The following TTC7A variants were observed in gnomAD, a reference collection of about 807,000 sequenced individuals.
TTC7A encodes the protein tetratricopeptide repeat protein 7A.
Under a neutral mutation model 103.7 loss-of-function variants are expected in TTC7A, and 110 were observed. That is an observed-to-expected ratio of 1.06 (90% CI 0.91 to 1.24). The LOEUF (loss-of-function observed/expected upper bound fraction) is 1.24. TTC7A is among the 50% of genes most tolerant of loss of function. TTC7A has a pLI of 0.00. For missense variants in TTC7A, 1,340 were observed against 1,116.3 expected (o/e 1.20, Z -2.86); for synonymous variants, 521 against 467.9 (o/e 1.11, Z -1.47).
rs1302364680 is a variant in TTC7A at position 47,073,764 on chromosome 2, G to T, written c.2418G>T (p.Val806=). Residue 806 remains valine (V), a synonymous_variant, in exon 20 of 20, where the codon GTG becomes GTT. Coordinates refer to ENST00000319190, the MANE Select transcript of TTC7A (RefSeq NM_020458.4). ...SLAQKVLRDA[V]ERQSTCHEAW... ...CCCAGAAGGTGCTTCGTGATGCCGTGGAGAGGCAGAGTACGTGCCACGAGG... is the reference window on the plus strand; with the variant it reads ...CCCAGAAGGTGCTTCGTGATGCCGTTGAGAGGCAGAGTACGTGCCACGAGG... 6.2e-7 allele frequency: 1 copy of T among 1,613,878 alleles called. No individual in the cohort carries two copies. Among genetic ancestry groups the T allele is most frequent in the Admixed American group, 1.7e-5 (1 of 60,036 alleles).
chr2:47,038,695 G>A lies in TTC7A; in HGVS notation c.1803-7620G>A, dbSNP rs370367392. Among the ~76,000 whole-genome samples, 26 of 117,986 alleles carry A rather than the reference G, an allele frequency of 2.2e-4. No individual in the cohort carries two copies. The East Asian group carries it at 4.4e-3, about 20-fold the overall frequency. 77.4% of individuals were successfully genotyped at this position (117,986 alleles called of 152,430 possible). A position where few individuals can be genotyped will look rare whatever the true frequency, so the allele number is the denominator to read the frequency against. Reference sequence around the variant, plus strand: ...GGGTTCCCAGAATGGCCAGGAGCCAGAGGGATCCGGAATTGCTGCCCAGGG... The same window carrying A: ...GGGTTCCCAGAATGGCCAGGAGCCAAAGGGATCCGGAATTGCTGCCCAGGG... On this transcript the variant is annotated intron_variant, in intron 15 of 19. Transcript: ENST00000319190.
chr2:47,009,300 C>T (rs1165843725), intron 10 of TTC7A, among the ~76,000 whole-genome samples: 2 of 152,136 alleles, frequency 1.3e-5, no homozygotes, highest in African/African-American at 4.8e-5. Flanking sequence ...CTCCTACCCT[C>T]TTGTTTCCAG....
chr2:47,009,918 CAG>C (rs149772427), intron 10 of TTC7A, among the ~76,000 whole-genome samples: 2,150 of 69,474 alleles, frequency 0.031, 69 homozygotes, highest in Non-Finnish European at 0.037. Context: ...GTGGGGGGGA[CAG>C]GGGAGGGGGC....
intron 11 of TTC7A, among the ~76,000 whole-genome samples, chr2:47,016,162 C>T (rs1678636562): frequency 5.3e-5 from 8 of 152,120 alleles, no homozygotes. Flanking sequence ...AAATTCGAAA[C>T]ACTGGAGAGA....
At chr2:46,956,290 G>C (rs563594450) in intron 2 of TTC7A, among the ~76,000 whole-genome samples, 2 of 151,750 alleles carry the variant, frequency 1.3e-5, no homozygotes, top group Non-Finnish European at 2.9e-5. Flanking sequence ...GACGCAGCAG[G>C]CCCTCTCCTC....
chr2:46,940,384 A>T (rs1426212664), upstream of TTC7A, among the ~76,000 whole-genome samples: 1 of 152,072 alleles, frequency 6.6e-6, no homozygotes. This position sits in a 1 kb window ranked among gnomAD's most constrained non-coding sequence, Gnocchi z 4.7. Context: ...CTGGTCTGTG[A>T]GCTGCGGCGG....
At chr2:46,980,675 A>G (rs973675768) in intron 5 of TTC7A, among the ~76,000 whole-genome samples, 1 of 152,198 alleles carries the variant, frequency 6.6e-6, no homozygotes, top group Admixed American at 6.5e-5. Flanking sequence ...GGCAGGGGAA[A>G]TGGAAGGAGT....
intron 14 of TTC7A, among the ~76,000 whole-genome samples, chr2:47,026,689 G>T (rs1679955996): frequency 6.6e-6 from 1 of 152,204 alleles, no homozygotes; most frequent in South Asian, 2.1e-4. Flanking sequence ...TAGTTTTCTG[G>T]CTTTGGGGCT....
chr2:46,987,805 C>CGTGTGTGTGT (rs1491245858), intron 5 of TTC7A, among the ~76,000 whole-genome samples: 1 of 102,938 alleles, frequency 9.7e-6, no homozygotes, highest in African/African-American at 3.7e-5. Context: ...TGTCCCTTTC[C>CGTGTGTGTGT]GCGCGTGTGT....
chr2:47,059,838 T>C (rs1219653688), intron 18 of TTC7A, among the ~76,000 whole-genome samples: 1 of 152,096 alleles, frequency 6.6e-6, no homozygotes, highest in Admixed American at 6.6e-5. Context: ...CTGTGCCCAG[T>C]TTTTGCCCCT....
rs527642449 is a variant in TTC7A at position 46,958,255 on chromosome 2, A to G, written c.517+1248A>G. Among the ~76,000 whole-genome samples, 6 of 152,272 alleles carry G rather than the reference A, an allele frequency of 3.9e-5. No individual in the cohort carries two copies. In the East Asian group the frequency reaches 1.2e-3, roughly 30 times the overall value. On this transcript the variant is annotated intron_variant, in intron 3 of 19. Transcript: ENST00000319190. Reference sequence around the variant, plus strand: ...ACACCATGCCAGGAAACCTGGCAAGATGGTCACTGTGGGTGGTCTTCGTCC... The same window carrying G: ...ACACCATGCCAGGAAACCTGGCAAGGTGGTCACTGTGGGTGGTCTTCGTCC...
intron 2 of TTC7A, among the ~76,000 whole-genome samples, chr2:46,917,983 C>T (rs1359997196): frequency 6.6e-6 from 1 of 152,198 alleles, no homozygotes; most frequent in African/African-American, 2.4e-5. Context: ...TATCCACCCT[C>T]CCTATGTGAG....
chr2:47,002,399 T>G (rs116254523), intron 8 of TTC7A, among the ~76,000 whole-genome samples: 1 of 152,134 alleles, frequency 6.6e-6, no homozygotes, highest in Non-Finnish European at 1.5e-5. Context: ...TGTATTACTT[T>G]AAGGGTCACA....
intron 15 of TTC7A, among the ~76,000 whole-genome samples, chr2:47,045,839 C>G (rs1682255683): frequency 6.6e-6 from 1 of 152,220 alleles, no homozygotes; most frequent in Non-Finnish European, 1.5e-5. Context: ...GTTCCTTGCT[C>G]TACCTTCACT....
chr2:46,974,539 G>C (rs1269808289), intron 3 of TTC7A: 1 of 399,630 alleles, frequency 2.5e-6, no homozygotes, highest in East Asian at 7.1e-5. Context: ...GGATAAGCTT[G>C]CTGTGTAGGG....
chr2:46,981,282 T>G (rs1007606051), intron 5 of TTC7A, among the ~76,000 whole-genome samples: 7 of 152,144 alleles, frequency 4.6e-5, no homozygotes, highest in Non-Finnish European at 7.4e-5. Flanking sequence ...GACACACTGC[T>G]TGTAGCTTGC....
chr2:47,055,328 C>T (rs562241380), intron 18 of TTC7A, among the ~76,000 whole-genome samples: 1 of 152,316 alleles, frequency 6.6e-6, no homozygotes, highest in Non-Finnish European at 1.5e-5. Flanking sequence ...TTCAAAGAGA[C>T]TGTCGTAGCC....
intron 16 of TTC7A, among the ~76,000 whole-genome samples, 176 bp downstream of exon 16, chr2:47,046,607 A>T (rs761340836): frequency 6.6e-6 from 1 of 152,216 alleles, no homozygotes; most frequent in African/African-American, 2.4e-5. Flanking sequence ...GAACCTCCTG[A>T]CAGTCCTCTA....
chr2:47,010,709 T>C (rs1490220519), intron 10 of TTC7A, among the ~76,000 whole-genome samples: 1 of 152,156 alleles, frequency 6.6e-6, no homozygotes, highest in Non-Finnish European at 1.5e-5. Flanking sequence ...TTTGTTTGTT[T>C]GTTTGTTTGA....
Sources: gnomAD v4.1 joint callset for allele counts (sites outside exome capture counted in the v4.1 genomes callset) on GRCh38, gnomAD v4.1.1 for gene constraint, Gnocchi (gnomAD v3.1) non-coding constraint, MANE v1.5 for transcripts, NCBI Gene and HGNC (gene_info 2026-07-23, HGNC 2026-07-21) for gene names.